ATP2A1: variants seen among roughly 807,000 people sequenced by gnomAD.
ATP2A1 encodes sarcoplasmic/endoplasmic reticulum calcium ATPase 1.
A neutral mutation model predicts 109.5 loss-of-function variants in ATP2A1; 83 were observed. The observed-to-expected ratio is 0.76, with a 90% CI of 0.63 to 0.91. The LOEUF is 0.91. Ranked by LOEUF, ATP2A1 falls within the 40% of genes least tolerant of loss-of-function variation. The pLI, the probability that ATP2A1 is intolerant of heterozygous loss-of-function variation, is 0.00. For synonymous variants in ATP2A1, 505 were observed against 537.6 expected, an observed-to-expected ratio of 0.94 and a Z score of 0.84; for missense variants, 1,101 against 1,341.0, an observed-to-expected ratio of 0.82 and a Z score of 2.80.
At chr16:28,897,105 C>T (rs914075606) in intron 12 of ATP2A1, among the ~76,000 whole-genome samples, 2 of 151,816 alleles carry the variant, frequency 1.3e-5, no homozygotes, top group East Asian at 1.9e-4. Context: ...AAAATTAATT[C>T]AAATTAAATA....
At position 28,880,855 on chromosome 16, in the gene ATP2A1, C is replaced by T. The variant is rs548193802; in HGVS notation, c.220-60C>T. The T allele has an allele frequency of 7.7e-5, 116 of 1,500,892 alleles. No individual in the cohort carries two copies. The African/African-American group carries it at 1.5e-3, about 20-fold the overall frequency. The allele number at this position is 1,500,892 out of a possible 1,614,324, so 93.0% of individuals were successfully genotyped here. ...TTCTCCCCTTTGCAGTGGTCCACTTCCTTTCTCCATCTGTTTTGGGGCCTC... is the reference window on the plus strand; with the variant it reads ...TTCTCCCCTTTGCAGTGGTCCACTTTCTTTCTCCATCTGTTTTGGGGCCTC... On this transcript the variant is annotated intron_variant, in intron 3 of 22. Coordinates refer to ENST00000395503, the MANE Select transcript of ATP2A1 (RefSeq NM_004320.6). The surrounding 1 kb of genome is among the most constrained non-coding windows in gnomAD (Gnocchi z 4.2).
chr16:28,884,398 C>T (rs754254153), intron 5 of ATP2A1, among the ~76,000 whole-genome samples, 177 bp from the exon 6 acceptor site: 2 of 152,240 alleles, frequency 1.3e-5, no homozygotes, highest in South Asian at 2.1e-4. Context: ...ATGGGTGTCA[C>T]GATGAGGGGT....
intron 15 of ATP2A1, among the ~76,000 whole-genome samples, chr16:28,901,536 G>A (rs1204039817): frequency 6.6e-6 from 1 of 152,158 alleles, no homozygotes; most frequent in Non-Finnish European, 1.5e-5. Context: ...AGGAGGCTGA[G>A]ACAGAAGAAC....
chr16:28,903,547 C>G lies in ATP2A1; in HGVS notation c.2980+107C>G. The stretch of plus-strand genomic sequence containing the variant: ...TTTGCAGGTGGTAAGTTTCTCAGCC[C>G]TGGCAGGACCTGTGTCCGCCCCGTT... On this transcript the variant is annotated intron_variant, in intron 21 of 22. Coordinates refer to ENST00000395503, the MANE Select transcript of ATP2A1 (RefSeq NM_004320.6). This position sits in a 1 kb window ranked among gnomAD's most constrained non-coding sequence, Gnocchi z 5.6. The G allele has an allele frequency of 7.9e-7, 1 of 1,272,540 alleles. No individual in the cohort carries two copies. The highest frequency in any genetic ancestry group is 1.1e-6 in the Non-Finnish European group (1 of 871,252). The allele number at this position is 1,272,540 out of a possible 1,614,324, so 78.8% of individuals were successfully genotyped here. A position where few individuals can be genotyped will look rare whatever the true frequency, so the allele number is the denominator to read the frequency against.
Position 28,880,837 on chromosome 16 carries a change from C to T in ATP2A1, c.220-78C>T. 1.9e-5 allele frequency: 27 copies of T among 1,389,542 alleles called. No homozygotes were observed. The highest frequency in any genetic ancestry group is 2.8e-5 in the Non-Finnish European group (27 of 976,360). 86.1% of individuals were successfully genotyped at this position (1,389,542 alleles called of 1,614,324 possible). On this transcript the variant is annotated intron_variant, in intron 3 of 22. Coordinates refer to ENST00000395503, the MANE Select transcript of ATP2A1 (RefSeq NM_004320.6). The surrounding 1 kb of genome is among the most constrained non-coding windows in gnomAD (Gnocchi z 4.2). ...CTGCACTCTCCTGCACAGTTCTCCCCTTTGCAGTGGTCCACTTCCTTTCTC... is the reference window on the plus strand; with the variant it reads ...CTGCACTCTCCTGCACAGTTCTCCCTTTTGCAGTGGTCCACTTCCTTTCTC...
At chr16:28,891,392 C>T (rs1220147647) in intron 9 of ATP2A1, among the ~76,000 whole-genome samples, 2 of 151,324 alleles carry the variant, frequency 1.3e-5, no homozygotes, top group African/African-American at 2.4e-5. Flanking sequence ...GTCAGGAGTT[C>T]GAGACCAGCC....
At chr16:28,888,366 C>T (rs1215006113) in intron 8 of ATP2A1, among the ~76,000 whole-genome samples, 4 of 151,896 alleles carry the variant, frequency 2.6e-5, no homozygotes, top group African/African-American at 7.3e-5. Flanking sequence ...GTAACATTTA[C>T]AGGCTCCAGG....
At chr16:28,889,779 T>TA (rs1259952776) in intron 9 of ATP2A1, among the ~76,000 whole-genome samples, 2 of 152,216 alleles carry the variant, frequency 1.3e-5, no homozygotes, top group African/African-American at 2.4e-5. Flanking sequence ...GCAGGGCTCT[T>TA]AATCTTTTCT....
chr16:28,888,726 T>G, intron 8 of ATP2A1, 61 bp from the exon 9 acceptor site: 3 of 1,582,646 alleles, frequency 1.9e-6, no homozygotes, highest in Non-Finnish European at 1.7e-6. Flanking sequence ...TTTAGCCCCT[T>G]GCAGGTTCCC....
rs1305897001 is a variant in ATP2A1 at position 28,880,477 on chromosome 16, G to A, written c.220-438G>A. On this transcript the variant is annotated intron_variant, in intron 3 of 22. Coordinates refer to ENST00000395503, the MANE Select transcript of ATP2A1 (RefSeq NM_004320.6). This position sits in a 1 kb window ranked among gnomAD's most constrained non-coding sequence, Gnocchi z 4.2. ...GGCCCCGTAACCCTATCCCCGCTCC[G>A]GCTCCCTCGTGAAACCGGAGCTTCC... is the stretch of plus-strand genomic sequence containing the variant. Among the ~76,000 whole-genome samples, 1 of 152,246 alleles carries A rather than the reference G, an allele frequency of 6.6e-6. No homozygotes were observed. The highest frequency in any genetic ancestry group is 1.5e-5 in the Non-Finnish European group (1 of 68,046).
At chr16:28,889,253 TAA>T (rs567239408) in intron 9 of ATP2A1, among the ~76,000 whole-genome samples, 1 of 151,822 alleles carries the variant, frequency 6.6e-6, no homozygotes, top group Non-Finnish European at 1.5e-5. Context: ...TTTTTTTAAT[TAA>T]AAAAAATTAT....
rs10671476 is a variant in ATP2A1, at chr16:28,900,441, C to CTTG, written c.1765-140_1765-139insTTG. The CTTG allele has an allele frequency of 0.017, 14,102 of 807,484 alleles. 293 individuals carry two copies. The highest frequency in any genetic ancestry group is 0.019 in the Non-Finnish European group (9,979 of 534,412). The allele number at this position is 807,484 out of a possible 1,614,324, so 50.0% of individuals were successfully genotyped here. ...TGAGGTCTGACACCAGGCCCTGAGG[C>CTTG]GGCAAGCCCAGGGTTCAGGCTTCCC... On this transcript the variant is annotated intron_variant, in intron 14 of 22. Coordinates refer to ENST00000395503, the MANE Select transcript of ATP2A1 (RefSeq NM_004320.6).
chr16:28,890,489 A>G (rs1963738276), intron 9 of ATP2A1, among the ~76,000 whole-genome samples: 1 of 151,758 alleles, frequency 6.6e-6, no homozygotes, highest in South Asian at 2.1e-4. Flanking sequence ...CTCACGCACA[A>G]AAAAATAAAA....
rs979771627 is a variant in ATP2A1, at chr16:28,880,468, C to A, written c.220-447C>A. 3.3e-5 allele frequency among the ~76,000 whole-genome samples: 5 copies of A among 152,256 alleles called. No individual in the cohort carries two copies. The highest frequency in any genetic ancestry group is 1.9e-4 in the East Asian group (1 of 5,200). On this transcript the variant is annotated intron_variant, in intron 3 of 22. Coordinates refer to ENST00000395503, the MANE Select transcript of ATP2A1 (RefSeq NM_004320.6). The surrounding 1 kb of genome is among the most constrained non-coding windows in gnomAD (Gnocchi z 4.2). ...CGCGCAGGAGGCCCCGTAACCCTAT[C>A]CCCGCTCCGGCTCCCTCGTGAAACC...
Position 28,897,989 on chromosome 16 carries a change from C to G in ATP2A1, c.1420-11C>G, listed in dbSNP as rs1963963838. On this transcript the variant is annotated splice_polypyrimidine_tract_variant and intron_variant, in intron 12 of 22. Coordinates refer to ENST00000395503, the MANE Select transcript of ATP2A1 (RefSeq NM_004320.6). The stretch of plus-strand genomic sequence containing the variant: ...AAGAGGACTGGTCTCCCCTCCCTGT[C>G]TCCTCTCCAGGTGATCCGCCAGCTA... 2 of 1,614,072 alleles carry G rather than the reference C, an allele frequency of 1.2e-6. No individual in the cohort carries two copies. Among genetic ancestry groups the G allele is most frequent in the South Asian group, 2.2e-5 (2 of 91,090 alleles).
Position 28,894,811 on chromosome 16 carries a change from G to T in ATP2A1, c.1288-11G>T. 1 of 1,610,948 alleles carries T rather than the reference G, an allele frequency of 6.2e-7. No individual in the cohort carries two copies. Among genetic ancestry groups the T allele is most frequent in the Non-Finnish European group, 8.5e-7 (1 of 1,179,960 alleles). On this transcript the variant is annotated splice_polypyrimidine_tract_variant and intron_variant, in intron 11 of 22. Transcript: ENST00000395503. The stretch of plus-strand genomic sequence containing the variant: ...GGCACCGACTTCCTCTTCCTCCTCT[G>T]CCCATCTCAGGCCAAAGGTGTCTAT...
At chr16:28,884,049 C>T (rs1449205200) in intron 5 of ATP2A1, among the ~76,000 whole-genome samples, 1 of 152,132 alleles carries the variant, frequency 6.6e-6, no homozygotes, top group East Asian at 1.9e-4. Context: ...TCCCGTTTCT[C>T]CTTGCCTTCC....
In ATP2A1 at chr16:28,888,919, G is replaced by A. The variant is rs1963693181; in HGVS notation, c.1061G>A (p.Gly354Asp). Residue 354 changes from glycine (G) to aspartate (D), a missense_variant, in exon 9 of 23, where the codon GGC becomes GAC. Gly to Asp is a moderately conservative substitution (Grantham distance 94). Coordinates refer to ENST00000395503, the MANE Select transcript of ATP2A1 (RefSeq NM_004320.6). ...CTSVICSDKT[G>D]TLTTNQMSVC... Reference sequence around the variant, plus strand: ...TCTGTCATCTGTTCCGACAAGACAGGCACCCTCACCACCAACCAGATGTCT... The same window carrying A: ...TCTGTCATCTGTTCCGACAAGACAGACACCCTCACCACCAACCAGATGTCT... 1.2e-6 allele frequency: 2 copies of A among 1,614,004 alleles called. No individual in the cohort carries two copies. The highest frequency in any genetic ancestry group is 8.5e-7 in the Non-Finnish European group (1 of 1,180,028).
At chr16:28,888,700 C>T (rs1037200784) in intron 8 of ATP2A1, 87 bp from the exon 9 acceptor site, 6 of 1,497,356 alleles carry the variant, frequency 4.0e-6, no homozygotes, top group Non-Finnish European at 5.5e-6. Context: ...CCAACGTGCC[C>T]AGCTGGGGGC....
Sources: gnomAD v4.1 joint callset for allele counts (sites outside exome capture counted in the v4.1 genomes callset) on GRCh38, gnomAD v4.1.1 for gene constraint, Gnocchi (gnomAD v3.1) non-coding constraint, MANE v1.5 for transcripts, NCBI Gene and HGNC (gene_info 2026-07-23, HGNC 2026-07-21) for gene names.